The following ADAM12 variants were observed in gnomAD, a reference collection of about 807,000 sequenced individuals.
ADAM12 encodes ADAM metallopeptidase domain 12, also known as disintegrin and metalloproteinase domain-containing protein 12.
A neutral mutation model predicts 106.4 loss-of-function variants in ADAM12; 70 were observed. That is an observed-to-expected ratio of 0.66 (90% CI 0.54 to 0.80). The LOEUF (loss-of-function observed/expected upper bound fraction) is 0.80, where lower values mean the gene tolerates loss of function less well. Ranked by LOEUF, ADAM12 falls within the 30% of genes least tolerant of loss-of-function variation. ADAM12 has a pLI of 0.00. For missense variants in ADAM12, 1,010 were observed against 1,171.9 expected (o/e 0.86, Z 2.02); for synonymous variants, 420 against 433.5 (o/e 0.97, Z 0.39).
At position 126,109,811 on chromosome 10, in the gene ADAM12, C is replaced by T. The variant is rs1355170145; in HGVS notation, c.633G>A (p.Lys211=). Residue 211 remains lysine, a synonymous_variant, in exon 7 of 23, where the codon AAG becomes AAA. Transcript: ENST00000448723. ...RHKRETLKAT[K]YVELVIVADN... is the part of the protein sequence containing the mutation. ...CTGCCACGATCACCAGCTCCACATACTTAGTTGCCTTGAGGGTCTCTCTTT... is the reference window on the plus strand; with the variant it reads ...CTGCCACGATCACCAGCTCCACATATTTAGTTGCCTTGAGGGTCTCTCTTT... 6 of 1,613,156 alleles carry T rather than the reference C, an allele frequency of 3.7e-6. No homozygotes were observed. Among genetic ancestry groups the T allele is most frequent in the Non-Finnish European group, 5.1e-6 (6 of 1,179,804 alleles).
chr10:126,171,986 T>C (rs1055503716), intron 3 of ADAM12, among the ~76,000 whole-genome samples: 6 of 152,096 alleles, frequency 3.9e-5, no homozygotes, highest in African/African-American at 7.2e-5. Context: ...GGGAAAAAAA[T>C]AGCTAATACG....
intron 3 of ADAM12, among the ~76,000 whole-genome samples, chr10:126,192,055 C>T (rs1485451380): frequency 1.3e-5 from 2 of 152,172 alleles, no homozygotes; most frequent in East Asian, 3.9e-4. Flanking sequence ...AGGGGAAAGT[C>T]TGCCCCCGGC....
At chr10:126,315,113 T>G (rs1230675797) in intron 2 of ADAM12, among the ~76,000 whole-genome samples, 1 of 152,252 alleles carries the variant, frequency 6.6e-6, no homozygotes, top group Non-Finnish European at 1.5e-5. Flanking sequence ...GGAGTTGCTC[T>G]GAGGTTAATG....
At position 126,049,291 on chromosome 10, in the gene ADAM12, C is replaced by G. The variant is rs767835334; in HGVS notation, c.1879G>C (p.Gly627Arg). ...VYLGDDMPDP[G>R]LVLAGTKCAD... is the part of the protein sequence containing the mutation. ...CACTTTGTGCCTGCAAGCACAAGCCCTGGGTCCGGCATGTCATCGCCCAAG... is the reference window on the plus strand; with the variant it reads ...CACTTTGTGCCTGCAAGCACAAGCCGTGGGTCCGGCATGTCATCGCCCAAG... Residue 627 changes from glycine to arginine, a missense_variant, in exon 16 of 23, where the codon GGG becomes CGG. Gly to Arg is a moderately radical substitution (Grantham distance 125). This residue lies in a region of ADAM12 where 615 missense variants were observed against 708.5 expected (regional missense o/e 0.87). Transcript: ENST00000448723. This position sits in a 1 kb window ranked among gnomAD's most constrained non-coding sequence, Gnocchi z 4.4. The G allele has an allele frequency of 6.2e-7, 1 of 1,614,252 alleles. No individual in the cohort carries two copies. Among genetic ancestry groups the G allele is most frequent in the Non-Finnish European group, 8.5e-7 (1 of 1,180,050 alleles).
At chr10:126,248,896 G>T (rs536431371) in intron 3 of ADAM12, among the ~76,000 whole-genome samples, 1 of 151,932 alleles carries the variant, frequency 6.6e-6, no homozygotes, top group Non-Finnish European at 1.5e-5. Context: ...AGTAGAGATG[G>T]GTTTTCATGA....
At chr10:126,366,714 A>T (rs1025404192) in intron 1 of ADAM12, among the ~76,000 whole-genome samples, 2 of 152,114 alleles carry the variant, frequency 1.3e-5, no homozygotes, top group South Asian at 4.1e-4. Context: ...TGAAAATTTT[A>T]AAAAATGAAA....
At chr10:126,144,477 T>C (rs1405864218) in intron 4 of ADAM12, among the ~76,000 whole-genome samples, 1 of 147,404 alleles carries the variant, frequency 6.8e-6, no homozygotes, top group African/African-American at 2.4e-5. Flanking sequence ...CAGTGTATTT[T>C]TGTTGAACGA....
intron 3 of ADAM12, among the ~76,000 whole-genome samples, chr10:126,208,899 C>G (rs895449343): frequency 6.6e-6 from 1 of 150,482 alleles, no homozygotes; most frequent in Non-Finnish European, 1.5e-5. Context: ...CTGGTGATCA[C>G]ATCCCCTAGC....
intron 9 of ADAM12, 105 bp downstream of exon 9, chr10:126,100,967 G>A: frequency 8.0e-7 from 1 of 1,252,860 alleles, no homozygotes; most frequent in Admixed American, 2.1e-5. Context: ...ACAAGGCAGT[G>A]TGCTCTGCAG....
chr10:126,101,296 C>T (rs1221908484), intron 8 of ADAM12, 55 bp from the exon 9 acceptor site: 12 of 1,565,544 alleles, frequency 7.7e-6, no homozygotes, highest in Middle Eastern at 1.7e-4. Context: ...AATAAAAACT[C>T]GAAATGAAAA....
intron 3 of ADAM12, chr10:126,272,749 G>T: frequency 4.8e-6 from 1 of 207,242 alleles, no homozygotes; most frequent in Admixed American, 5.0e-5. Context: ...TGGTCTGTGT[G>T]CTCTGAGGGA....
At chr10:126,022,073 G>A (rs565650282) in intron 21 of ADAM12, among the ~76,000 whole-genome samples, 1 of 152,224 alleles carries the variant, frequency 6.6e-6, no homozygotes, top group Admixed American at 6.5e-5. Flanking sequence ...ATAACGTCAG[G>A]TTTTTATTGC....
intron 3 of ADAM12, among the ~76,000 whole-genome samples, chr10:126,275,076 C>T (rs1265349745): frequency 6.6e-6 from 1 of 152,198 alleles, no homozygotes; most frequent in Non-Finnish European, 1.5e-5. Context: ...ATGGACTTCC[C>T]ATGGCAAGTG....
intron 11 of ADAM12, among the ~76,000 whole-genome samples, chr10:126,084,469 T>G (rs892944554): frequency 1.3e-5 from 2 of 152,148 alleles, no homozygotes; most frequent in Non-Finnish European, 2.9e-5. Flanking sequence ...ACAGATGCAG[T>G]GGTTAATAAT....
Position 126,221,404 on chromosome 10 carries a change from A to AG in ADAM12, c.260+57510_260+57511insC, listed in dbSNP as rs1172726244. Among the ~76,000 whole-genome samples, 274 of 149,920 alleles carry AG rather than the reference A, an allele frequency of 1.8e-3. 2 individuals carry two copies. Among genetic ancestry groups the AG allele is most frequent in the African/African-American group, 6.2e-3 (252 of 40,648 alleles). On this transcript the variant is annotated intron_variant, in intron 3 of 22. Coordinates refer to ENST00000448723, the MANE Select transcript of ADAM12 (RefSeq NM_001288973.2). ...GACTCTGTCTCAAAAAAAAAAAAAAAAAAGAAAGAAAGAAAGAAAGAGAAG... is the reference window on the plus strand; with the variant it reads ...GACTCTGTCTCAAAAAAAAAAAAAAAGAAAGAAAGAAAGAAAGAAAGAGAAG...
chr10:126,207,041 G>A (rs1162728453), intron 3 of ADAM12, among the ~76,000 whole-genome samples: 1 of 152,166 alleles, frequency 6.6e-6, no homozygotes, highest in African/African-American at 2.4e-5. Context: ...CGCCATGATT[G>A]TGTGGCCTCC....
At chr10:126,158,541 G>GAGGATGCACAGAGCATGGAGA (rs66502244) in intron 3 of ADAM12, among the ~76,000 whole-genome samples, 1 of 90,136 alleles carries the variant, frequency 1.1e-5, no homozygotes, top group African/African-American at 4.4e-5. Flanking sequence ...CAGAGCACGG[G>GAGGATGCACAGAGCATGGAGA]GAGGATGCAC....
chr10:126,121,155 A>AGT (rs377342465), intron 5 of ADAM12, among the ~76,000 whole-genome samples: 3 of 43,168 alleles, frequency 6.9e-5, no homozygotes, highest in Admixed American at 3.2e-4. Flanking sequence ...TACTATATAT[A>AGT]CTATATATAC....
At chr10:126,099,906 A>G (rs1376564101) in intron 9 of ADAM12, among the ~76,000 whole-genome samples, 2 of 152,254 alleles carry the variant, frequency 1.3e-5, no homozygotes, top group East Asian at 1.9e-4. Flanking sequence ...ATAATAGCAC[A>G]AAGTATTTAA....
Sources: allele counts gnomAD v4.1 joint callset (sites outside exome capture counted in the v4.1 genomes callset), GRCh38; gene constraint gnomAD v4.1.1; regional missense constraint gnomAD v4.1.1; non-coding constraint Gnocchi (gnomAD v3.1); transcripts MANE v1.5; gene names NCBI Gene and HGNC (gene_info 2026-07-23, HGNC 2026-07-21).